Variants in MIS18A observed in about 807,000 individuals in gnomAD.
The protein encoded by MIS18A is MIS18 kinetochore protein A.
In MIS18A, 14 loss-of-function variants were observed where a neutral mutation model predicts 25.0. The observed-to-expected ratio is 0.56, with a 90% CI of 0.37 to 0.88. MIS18A has a LOEUF of 0.88. Among genes scored for constraint, MIS18A ranks in the 40% least tolerant of loss-of-function variants. The pLI, the probability that MIS18A is intolerant of heterozygous loss-of-function variation, is 0.00. For synonymous variants in MIS18A, 134 were observed against 118.6 expected, an observed-to-expected ratio of 1.13 and a Z score of -0.84; for missense variants, 292 against 290.8, an observed-to-expected ratio of 1.00 and a Z score of -0.03.
At chr21:32,174,242 C>T in the MIS18A span, among the ~76,000 whole-genome samples, 1 of 152,052 alleles carries the variant, frequency 6.6e-6, no homozygotes, top group Non-Finnish European at 1.5e-5. Flanking sequence ...GGAGCAACAG[C>T]ACCCAGCCTT....
chr21:32,250,370 C>T, the MIS18A span, among the ~76,000 whole-genome samples: 15 of 152,210 alleles, frequency 9.9e-5, no homozygotes, highest in Middle Eastern at 3.4e-3. Context: ...TTCCATTTTC[C>T]CTTTTGAGCA....
At chr21:32,266,645 G>A (rs1296472526), downstream of MIS18A, among the ~76,000 whole-genome samples, 1 of 151,802 alleles carries the variant, frequency 6.6e-6, no homozygotes, top group Non-Finnish European at 1.5e-5. Flanking sequence ...CTTCACTCCT[G>A]AGCCACCAAG....
chr21:32,192,256 C>A, the MIS18A span, among the ~76,000 whole-genome samples: 7 of 152,292 alleles, frequency 4.6e-5, no homozygotes, highest in South Asian at 1.2e-3. Flanking sequence ...ATGTATTTTG[C>A]AAATGCCATC....
At chr21:32,241,910 G>A in the MIS18A span, among the ~76,000 whole-genome samples, 1 of 149,568 alleles carries the variant, frequency 6.7e-6, no homozygotes, top group East Asian at 2.0e-4. Context: ...GACGGAGTTC[G>A]CTCTGTCGCC....
the MIS18A span, among the ~76,000 whole-genome samples, chr21:32,231,536 A>G: frequency 4.1e-4 from 62 of 152,288 alleles, no homozygotes; most frequent in Admixed American, 2.1e-3. Context: ...AAGACAGATA[A>G]TAAGTGTTGG....
chr21:32,221,339 G>A, the MIS18A span, among the ~76,000 whole-genome samples: 239 of 152,222 alleles, frequency 1.6e-3, 1 homozygote, highest in Admixed American at 3.9e-3. Context: ...CATTCTTAAA[G>A]AAAAGAATTT....
chr21:32,166,040 T>G, the MIS18A span, among the ~76,000 whole-genome samples: 1 of 152,166 alleles, frequency 6.6e-6, no homozygotes, highest in African/African-American at 2.4e-5. Context: ...CAGGTAGAGA[T>G]GCTAGGACGG....
the MIS18A span, among the ~76,000 whole-genome samples, chr21:32,247,680 A>T: frequency 6.6e-6 from 1 of 152,208 alleles, no homozygotes; most frequent in African/African-American, 2.4e-5. Flanking sequence ...AGATTAGGAC[A>T]TAGACCCATA....
the MIS18A span, among the ~76,000 whole-genome samples, chr21:32,165,541 C>T: frequency 0.28 from 42,095 of 151,118 alleles, 6,081 homozygotes; most frequent in Admixed American, 0.31. Context: ...TTAGGATTTC[C>T]TTTAATTAGT....
At chr21:32,200,547 C>A in the MIS18A span, among the ~76,000 whole-genome samples, 68 of 151,964 alleles carry the variant, frequency 4.5e-4, no homozygotes, top group African/African-American at 1.6e-3. Context: ...CATTCTCCTG[C>A]CTCAGCCTCC....
chr21:32,154,879 A>G, the MIS18A span, among the ~76,000 whole-genome samples: 3 of 152,146 alleles, frequency 2.0e-5, no homozygotes, highest in Non-Finnish European at 4.4e-5. Context: ...ACTTTTAAAA[A>G]TTATTAGTTT....
At chr21:32,179,405 A>C in the MIS18A span, among the ~76,000 whole-genome samples, 1 of 151,956 alleles carries the variant, frequency 6.6e-6, no homozygotes, top group East Asian at 1.9e-4. Context: ...GTGTGGGCCA[A>C]GATCACCTCC....
chr21:32,188,003 G>GTCTCTCTCTCTCTCTC, the MIS18A span, among the ~76,000 whole-genome samples: 3,320 of 150,070 alleles, frequency 0.022, 81 homozygotes, highest in African/African-American at 0.056. Flanking sequence ...CTCCCTTTCT[G>GTCTCTCTCTCTCTCTC]TCTCTCTCTC....
the MIS18A span, among the ~76,000 whole-genome samples, chr21:32,229,157 A>C: frequency 6.6e-6 from 1 of 152,244 alleles, no homozygotes; most frequent in African/African-American, 2.4e-5. Context: ...ATTCTTACAA[A>C]ACCTGTGTTA....
the MIS18A span, among the ~76,000 whole-genome samples, chr21:32,171,047 C>T: frequency 6.6e-6 from 1 of 152,176 alleles, no homozygotes; most frequent in East Asian, 1.9e-4. Flanking sequence ...TGACGAAAGA[C>T]TGAATGCTTT....
chr21:32,156,936 T>C, the MIS18A span, among the ~76,000 whole-genome samples: 1 of 152,118 alleles, frequency 6.6e-6, no homozygotes, highest in African/African-American at 2.4e-5. Flanking sequence ...AACTGCTTCA[T>C]CTAGGTACTT....
At chr21:32,228,396 G>A in the MIS18A span, among the ~76,000 whole-genome samples, 91 of 152,240 alleles carry the variant, frequency 6.0e-4, no homozygotes, top group African/African-American at 1.8e-3. Flanking sequence ...TATTAATATC[G>A]CCTTTAATAG....
rs760106753 is a variant in MIS18A at position 32,269,768 on chromosome 21, G to A, written c.560C>T (p.Ser187Leu). ...VLGSSEKQIVSEDKELFNLES... is the reference protein window; with the variant it reads ...VLGSSEKQIVLEDKELFNLES... ...AAGATTAAAAAGCTCTTTATCTTCTGACACAATTTGCTTTTCAGAGGACCC... is the reference window on the plus strand; with the variant it reads ...AAGATTAAAAAGCTCTTTATCTTCTAACACAATTTGCTTTTCAGAGGACCC... The change falls in exon 4 of 5, where the codon TCA (serine) becomes TTA (leucine). Residue 187 changes from serine to leucine, a missense_variant. Coordinates refer to ENST00000290130, the MANE Select transcript of MIS18A (RefSeq NM_018944.3). The A allele has an allele frequency of 6.2e-7, 1 of 1,611,716 alleles. No individual in the cohort carries two copies. Among genetic ancestry groups the A allele is most frequent in the Admixed American group, 1.7e-5 (1 of 60,004 alleles).
chr21:32,198,485 A>G, the MIS18A span, among the ~76,000 whole-genome samples: 1 of 152,228 alleles, frequency 6.6e-6, no homozygotes, highest in African/African-American at 2.4e-5. Context: ...GAGAGCTGGG[A>G]CCTGTTAGTG....
Sources: gnomAD v4.1 joint callset for allele counts (sites outside exome capture counted in the v4.1 genomes callset) on GRCh38, gnomAD v4.1.1 for gene constraint, MANE v1.5 for transcripts, NCBI Gene and HGNC (gene_info 2026-07-23, HGNC 2026-07-21) for gene names.